The following TBC1D25 variants were observed in gnomAD, a reference collection of about 807,000 sequenced individuals.
TBC1D25 encodes the protein 5SN3 snoRNA.
A neutral mutation model predicts 38.8 loss-of-function variants in TBC1D25; 13 were observed. The ratio of observed to expected loss-of-function variants is 0.34; its 90% CI spans 0.22 to 0.53. TBC1D25 has a LOEUF of 0.53. TBC1D25 is among the 20% of genes least tolerant of loss of function. TBC1D25 has a pLI of 0.94. For missense variants in TBC1D25, 372 were observed against 600.0 expected (o/e 0.62, Z 3.97); for synonymous variants, 225 against 255.6 (o/e 0.88, Z 1.14).
At chrX:48,547,115 C>G (rs1289986569) in intron 3 of TBC1D25, among the ~76,000 whole-genome samples, 1 of 111,791 alleles carries the variant, frequency 8.9e-6, no homozygotes, top group Non-Finnish European at 1.9e-5. Context: ...TAGGGACAAT[C>G]ATTTTCCCCA....
intron 3 of TBC1D25, among the ~76,000 whole-genome samples, chrX:48,552,422 T>C (rs2061942577): frequency 9.5e-6 from 1 of 104,980 alleles, no homozygotes; most frequent in Non-Finnish European, 2.0e-5. Flanking sequence ...TGGCACAATC[T>C]TGGCTCGCTG....
rs1556985073 is a variant in TBC1D25 at position 48,558,885 on chromosome X, C to T, written c.389-12C>T. The T allele has an allele frequency of 2.5e-6, 3 of 1,209,474 alleles. No homozygotes were observed. The highest frequency in any genetic ancestry group is 2.2e-6 in the Non-Finnish European group (2 of 895,085). ...ATCCCCATTCTTATAGCACTTTGTT[C>T]TGTTTGCCCAGGCCCATTGCTAGAA... On this transcript the variant is annotated splice_polypyrimidine_tract_variant and intron_variant, in intron 3 of 5. Coordinates refer to ENST00000376771, the MANE Select transcript of TBC1D25 (RefSeq NM_002536.4).
Position 48,558,939 on chromosome X carries a change from T to A in TBC1D25, c.431T>A (p.Val144Asp). The A allele has an allele frequency of 4.1e-6, 5 of 1,211,593 alleles. No homozygotes were observed. The highest frequency in any genetic ancestry group is 5.6e-6 in the Non-Finnish European group (5 of 895,470). The stretch of plus-strand genomic sequence containing the variant: ...TGGGACATAATCAGCCCCAAAGATG[T>A]CATTGGCTCCGACGTGTTGCTGGCT... ...EDWDIISPKD[V>D]IGSDVLLAEK... The change falls in exon 4 of 6, where the codon GTC (valine) becomes GAC (aspartate). Residue 144 changes from valine to aspartate, a missense_variant. Physicochemically the swap from Val to Asp is radical, Grantham distance 152. Coordinates refer to ENST00000376771, the MANE Select transcript of TBC1D25 (RefSeq NM_002536.4).
chrX:48,539,765 G>A lies in TBC1D25; in HGVS notation c.-33G>A, dbSNP rs1556979709. The stretch of plus-strand genomic sequence containing the variant: ...GTGTGCGCCGGGGTGGGGGGCAACG[G>A]TCAGCCGTCACCCTGAGACGGGCGG... On this transcript the variant is annotated 5_prime_UTR_variant, in exon 1 of 6. Coordinates refer to ENST00000376771, the MANE Select transcript of TBC1D25 (RefSeq NM_002536.4). The A allele has an allele frequency of 1.1e-6, 1 of 950,886 alleles. No individual in the cohort carries two copies. Among genetic ancestry groups the A allele is most frequent in the Non-Finnish European group, 1.3e-6 (1 of 761,322 alleles). 78.4% of individuals were successfully genotyped at this position (950,886 alleles called of 1,213,427 possible).
At chrX:48,554,201 A>G (rs1432110468) in intron 3 of TBC1D25, among the ~76,000 whole-genome samples, 1 of 106,498 alleles carries the variant, frequency 9.4e-6, no homozygotes, top group Non-Finnish European at 1.9e-5. Context: ...AATTGCTGGG[A>G]TTACAGGCAT....
At position 48,541,366 on chromosome X, in the gene TBC1D25, T is replaced by C; in HGVS notation, c.157T>C (p.Ser53Pro). 8.3e-7 allele frequency: 1 copy of C among 1,211,775 alleles called. No homozygotes were observed. Among genetic ancestry groups the C allele is most frequent in the Non-Finnish European group, 1.1e-6 (1 of 895,539 alleles). The change falls in exon 2 of 6, where the codon TCT becomes CCT. Residue 53 changes from serine to proline, a missense_variant. Ser to Pro is a moderately conservative substitution (Grantham distance 74, BLOSUM62 -1). This residue lies in a region of TBC1D25 where 60 missense variants were observed against 50.7 expected (regional missense o/e 1.18). Coordinates refer to ENST00000376771, the MANE Select transcript of TBC1D25 (RefSeq NM_002536.4). The stretch of plus-strand genomic sequence containing the variant: ...GAGCTTCTTGCCGCCAGAGTTCCGC[T>C]CTTTTGCTGTAGATCCCCAGATCAC... ...CESFLPPEFR[S>P]FAVDPQITSL...
Position 48,559,991 on chromosome X carries a change from C to T in TBC1D25, c.1083C>T (p.Arg361=), listed in dbSNP as rs1306584269. 9 of 1,209,605 alleles carry T rather than the reference C, an allele frequency of 7.4e-6. No homozygotes were observed. Among genetic ancestry groups the T allele is most frequent in the Non-Finnish European group, 8.9e-6 (8 of 894,974 alleles). The change falls in exon 6 of 6, where the codon CGC becomes CGT. Residue 361 remains arginine (R), a synonymous_variant. Coordinates refer to ENST00000376771, the MANE Select transcript of TBC1D25 (RefSeq NM_002536.4). ...TTTGCTTTTGTGGCATCATGAAACG[C>T]CTGGCCGCCAACTTCCACCCTGACG... The part of the protein sequence containing the change: ...AFVCFCGIMK[R]LAANFHPDGR...
At chrX:48,548,262 C>A (rs182960701) in intron 3 of TBC1D25, among the ~76,000 whole-genome samples, 1 of 108,983 alleles carries the variant, frequency 9.2e-6, no homozygotes, top group African/African-American at 3.3e-5. Context: ...CCTATAGGCA[C>A]ATGCCCCCAT....
In TBC1D25 at chrX:48,559,642, A is replaced by T; in HGVS notation, c.734A>T (p.Tyr245Phe). 5 of 1,211,084 alleles carry T rather than the reference A, an allele frequency of 4.1e-6. No individual in the cohort carries two copies. The highest frequency in any genetic ancestry group is 5.6e-6 in the Non-Finnish European group (5 of 895,094). The stretch of plus-strand genomic sequence containing the variant: ...GTGTGGCGGTACCTGCTGAACGTGT[A>T]TCCAGATGGACTGACAGGCCGAGAG... ...KVVWRYLLNV[Y>F]PDGLTGRERM... The change falls in exon 6 of 6, where the codon TAT becomes TTT. Residue 245 changes from tyrosine (Y) to phenylalanine (F), a missense_variant. Around this residue, in one of 2 missense-constraint regions of TBC1D25, gnomAD observed 312 missense variants for 549.3 expected, o/e 0.57. Transcript: ENST00000376771.
chrX:48,539,952 G>C (rs893844640), intron 1 of TBC1D25, 32 bp downstream of exon 1: 5 of 947,058 alleles, frequency 5.3e-6, no homozygotes, highest in Non-Finnish European at 6.6e-6. Flanking sequence ...CCCAGCCGCC[G>C]AGGCATCCCA....
At chrX:48,542,755 G>A (rs983309210) in intron 2 of TBC1D25, among the ~76,000 whole-genome samples, 1 of 110,376 alleles carries the variant, frequency 9.1e-6, no homozygotes, top group African/African-American at 3.3e-5. Context: ...GTGAGCCTCC[G>A]CACCCGGCCA....
intron 2 of TBC1D25, among the ~76,000 whole-genome samples, chrX:48,542,763 C>T (rs2061851144): frequency 9.0e-6 from 1 of 110,644 alleles, no homozygotes; most frequent in African/African-American, 3.3e-5. Context: ...CCGCACCCGG[C>T]CAATTTTTTG....
chrX:48,543,659 T>G (rs1556980865), intron 2 of TBC1D25, among the ~76,000 whole-genome samples: 1 of 105,640 alleles, frequency 9.5e-6, no homozygotes, highest in Non-Finnish European at 2.0e-5. Flanking sequence ...CTGAGGCAGG[T>G]GGATCACGAG....
intron 3 of TBC1D25, among the ~76,000 whole-genome samples, chrX:48,548,124 T>G (rs1280181300): frequency 1.9e-5 from 2 of 103,858 alleles, no homozygotes; most frequent in South Asian, 4.3e-4. Context: ...TTTTTTTTTG[T>G]TTTTTTTTTG....
In TBC1D25 at chrX:48,539,898, A is replaced by G; in HGVS notation, c.101A>G (p.Glu34Gly). The G allele has an allele frequency of 1.0e-6, 1 of 958,445 alleles. No homozygotes were observed. The highest frequency in any genetic ancestry group is 1.3e-6 in the Non-Finnish European group (1 of 763,357). The allele number at this position is 958,445 out of a possible 1,213,427, so 79.0% of individuals were successfully genotyped here. A position where few individuals can be genotyped will look rare whatever the true frequency, so the allele number is the denominator to read the frequency against. ...AAAAAEEEER[E>G]VVRVRVKKCE... is the part of the protein sequence containing the mutation. The stretch of plus-strand genomic sequence containing the variant: ...GCGGCCGCTGAGGAGGAGGAGCGAG[A>G]GGTGGTGCGGGTCCGAGTCAAGGTG... Residue 34 changes from glutamate to glycine, a missense_variant, in exon 1 of 6, where the codon GAG (glutamate) becomes GGG (glycine). Transcript: ENST00000376771.
intron 2 of TBC1D25, among the ~76,000 whole-genome samples, chrX:48,543,096 A>G (rs1342216759): frequency 9.0e-6 from 1 of 110,956 alleles, no homozygotes; most frequent in Non-Finnish European, 1.9e-5. Context: ...AGGGCTTGGT[A>G]CTATCTGCAG....
rs2062010965 is a variant in TBC1D25 at position 48,560,136 on chromosome X, C to T, written c.1228C>T (p.Leu410=). The T allele has an allele frequency of 5.8e-6, 7 of 1,209,560 alleles. No individual in the cohort carries two copies. The highest frequency in any genetic ancestry group is 7.8e-6 in the Non-Finnish European group (7 of 894,408). The change falls in exon 6 of 6, where the codon CTG becomes TTG. Residue 410 remains leucine (L), a synonymous_variant. Coordinates refer to ENST00000376771, the MANE Select transcript of TBC1D25 (RefSeq NM_002536.4). ...TGACCTCTTCTTCTGTTACCGCTGG[C>T]TGCTGCTGGAACTCAAGCGTGAGTT... ...ADDLFFCYRW[L]LLELKREFAF...
At position 48,539,736 on chromosome X, in the gene TBC1D25, T is replaced by C. The variant is rs2061822299; in HGVS notation, c.-62T>C. ...GGTGGGGCGGCGGGCGTCAGTACAGTAGAGTGTGCGCCGGGGTGGGGGGCA... is the reference window on the plus strand; with the variant it reads ...GGTGGGGCGGCGGGCGTCAGTACAGCAGAGTGTGCGCCGGGGTGGGGGGCA... On this transcript the variant is annotated 5_prime_UTR_variant, in exon 1 of 6. Coordinates refer to ENST00000376771, the MANE Select transcript of TBC1D25 (RefSeq NM_002536.4). 4 of 934,466 alleles carry C rather than the reference T, an allele frequency of 4.3e-6. No homozygotes were observed. The highest frequency in any genetic ancestry group is 5.3e-6 in the Non-Finnish European group (4 of 753,900). 77.0% of individuals were successfully genotyped at this position (934,466 alleles called of 1,213,427 possible). A position where few individuals can be genotyped will look rare whatever the true frequency, so the allele number is the denominator to read the frequency against.
chrX:48,560,671 G>C lies in TBC1D25; in HGVS notation c.1763G>C (p.Gly588Ala), dbSNP rs1320474236. The C allele has an allele frequency of 1.7e-6, 2 of 1,209,880 alleles. No individual in the cohort carries two copies. Among genetic ancestry groups the C allele is most frequent in the African/African-American group, 3.5e-5 (2 of 57,191 alleles). The change falls in exon 6 of 6, where the codon GGC becomes GCC. Residue 588 changes from glycine (G) to alanine (A), a missense_variant. By Grantham distance (60) the Gly-to-Ala change is moderately conservative (BLOSUM62 0). Transcript: ENST00000376771. ...AVGSPLMQEVGSPKDPGKSLP... is the reference protein window; with the variant it reads ...AVGSPLMQEVASPKDPGKSLP... Reference sequence around the variant, plus strand: ...GGATCCCCCTTGATGCAAGAGGTAGGCTCCCCGAAAGACCCTGGAAAGTCC... The same window carrying C: ...GGATCCCCCTTGATGCAAGAGGTAGCCTCCCCGAAAGACCCTGGAAAGTCC...
Sources: allele counts gnomAD v4.1 joint callset (sites outside exome capture counted in the v4.1 genomes callset), GRCh38; gene constraint gnomAD v4.1.1; regional missense constraint gnomAD v4.1.1; transcripts MANE v1.5; gene names NCBI Gene and HGNC (gene_info 2026-07-23, HGNC 2026-07-21).